NUBPL: variants seen among roughly 807,000 people sequenced by gnomAD.
NUBPL encodes the protein iron-sulfur cluster transfer protein NUBPL.
Under a neutral mutation model 45.7 loss-of-function variants are expected in NUBPL, and 31 were observed. The observed-to-expected ratio is 0.68, with a 90% CI of 0.51 to 0.92. The LOEUF is 0.92. Among genes scored for constraint, NUBPL ranks in the 40% least tolerant of loss-of-function variants. The probability of loss-of-function intolerance (pLI) is 0.00; values close to 1 mark genes in which losing one functional copy is unlikely to be tolerated. For missense variants in NUBPL, 401 were observed against 398.7 expected (o/e 1.01, Z -0.05); for synonymous variants, 144 against 140.9 (o/e 1.02, Z -0.15).
chr14:31,672,349 C>G (rs1351299335), intron 4 of NUBPL, among the ~76,000 whole-genome samples: 1 of 150,942 alleles, frequency 6.6e-6, no homozygotes, highest in Non-Finnish European at 1.5e-5. Context: ...ATTAGATTAG[C>G]ATATATATAA....
chr14:31,630,212 A>G (rs900842208), intron 4 of NUBPL, among the ~76,000 whole-genome samples: 1 of 152,158 alleles, frequency 6.6e-6, no homozygotes, highest in African/African-American at 2.4e-5. Context: ...GACATTAGAG[A>G]TGGAGAGAAT....
At chr14:31,586,347 C>T (rs913572197) in intron 3 of NUBPL, among the ~76,000 whole-genome samples, 20 of 152,034 alleles carry the variant, frequency 1.3e-4, no homozygotes, top group African/African-American at 4.6e-4. Flanking sequence ...TAATTCCAGT[C>T]GTTCAAAGGT....
intron 6 of NUBPL, among the ~76,000 whole-genome samples, chr14:31,694,073 T>C (rs188680945): frequency 1.3e-5 from 2 of 152,164 alleles, no homozygotes; most frequent in Admixed American, 1.3e-4. Context: ...GCCAGGGTGG[T>C]CTTGATCTCC....
intron 2 of NUBPL, among the ~76,000 whole-genome samples, chr14:31,564,432 G>C (rs1272691880): frequency 1.3e-5 from 2 of 150,218 alleles, no homozygotes; most frequent in African/African-American, 4.9e-5. Context: ...GCTCATGCCT[G>C]TAATGCCAGC....
At chr14:31,619,240 T>G (rs1488960702) in intron 4 of NUBPL, among the ~76,000 whole-genome samples, 1 of 152,212 alleles carries the variant, frequency 6.6e-6, no homozygotes, top group Middle Eastern at 3.2e-3. Flanking sequence ...CTTTATCCAA[T>G]TTGTCAGTCT....
chr14:31,858,282 G>A (rs950401222), intron 10 of NUBPL, among the ~76,000 whole-genome samples: 4 of 152,136 alleles, frequency 2.6e-5, no homozygotes, highest in Admixed American at 6.5e-5. Context: ...CAACACATGG[G>A]AACTGTGGGA....
chr14:31,764,668 A>T (rs1479783065), intron 6 of NUBPL, among the ~76,000 whole-genome samples: 2 of 152,222 alleles, frequency 1.3e-5, no homozygotes, highest in Non-Finnish European at 2.9e-5. Context: ...AGATATAATG[A>T]CCAATGTACT....
chr14:31,729,243 C>T (rs2037992342), intron 6 of NUBPL, among the ~76,000 whole-genome samples: 2 of 150,144 alleles, frequency 1.3e-5, no homozygotes, highest in African/African-American at 4.9e-5. Context: ...TGCACCACTG[C>T]ACTCCAGCCT....
At chr14:31,729,212 G>A (rs1285089709) in intron 6 of NUBPL, among the ~76,000 whole-genome samples, 1 of 150,762 alleles carries the variant, frequency 6.6e-6, no homozygotes, top group East Asian at 1.9e-4. Flanking sequence ...CTGGGAGGCA[G>A]AGGTTGCAAT....
At chr14:31,691,751 G>A (rs1322902260) in intron 6 of NUBPL, among the ~76,000 whole-genome samples, 3 of 152,268 alleles carry the variant, frequency 2.0e-5, no homozygotes, top group South Asian at 2.1e-4. Flanking sequence ...ATACCAGGAC[G>A]GGGCAGTCTT....
chr14:31,625,535 G>A (rs558285634), intron 4 of NUBPL, among the ~76,000 whole-genome samples: 1 of 150,952 alleles, frequency 6.6e-6, no homozygotes, highest in Non-Finnish European at 1.5e-5. Context: ...GAGTGCAATG[G>A]CATGATCTCT....
chr14:31,753,106 A>G (rs2038569340), intron 6 of NUBPL, among the ~76,000 whole-genome samples: 1 of 152,238 alleles, frequency 6.6e-6, no homozygotes, highest in Non-Finnish European at 1.5e-5. Flanking sequence ...TCACAGCGTC[A>G]GTGATGTCTG....
intron 6 of NUBPL, among the ~76,000 whole-genome samples, chr14:31,733,527 A>G (rs1449066169): frequency 1.3e-5 from 2 of 152,140 alleles, no homozygotes; most frequent in African/African-American, 4.8e-5. Flanking sequence ...GTAGTATTTT[A>G]TAGGTTAATA....
intron 7 of NUBPL, among the ~76,000 whole-genome samples, chr14:31,814,093 C>G (rs1017810394): frequency 3.3e-5 from 5 of 152,174 alleles, no homozygotes; most frequent in African/African-American, 1.2e-4. Flanking sequence ...GTTCTAGATC[C>G]TTGAGGAATC....
chr14:31,603,015 C>G (rs970492923), intron 4 of NUBPL, among the ~76,000 whole-genome samples: 2 of 151,734 alleles, frequency 1.3e-5, no homozygotes, highest in African/African-American at 4.8e-5. Context: ...ATGTTATTAT[C>G]AAAAAATGAA....
chr14:31,661,982 C>G (rs1037389206), intron 4 of NUBPL: 5 of 152,152 alleles, frequency 3.3e-5, no homozygotes, highest in African/African-American at 1.2e-4. Flanking sequence ...TCTATCTTTT[C>G]TAATATCTTT....
At chr14:31,855,212 A>G (rs1313467619) in intron 10 of NUBPL, among the ~76,000 whole-genome samples, 2 of 152,254 alleles carry the variant, frequency 1.3e-5, no homozygotes, top group Admixed American at 1.3e-4. Context: ...ACTAGGAGAT[A>G]AAAGGTATTT....
intron 3 of NUBPL, among the ~76,000 whole-genome samples, chr14:31,588,759 CA>C (rs202112067): frequency 8.2e-5 from 12 of 147,104 alleles, no homozygotes; most frequent in East Asian, 5.9e-4. Context: ...ACTAAAAATA[CA>C]AAAAAAAAAT....
intron 4 of NUBPL, among the ~76,000 whole-genome samples, chr14:31,623,881 T>TA (rs1156585250): frequency 6.6e-6 from 1 of 152,094 alleles, no homozygotes; most frequent in Non-Finnish European, 1.5e-5. Context: ...GCCAGAAAGG[T>TA]AATTGAGAGT....
Sources: allele counts gnomAD v4.1 joint callset (sites outside exome capture counted in the v4.1 genomes callset), GRCh38; gene constraint gnomAD v4.1.1; transcripts MANE v1.5; gene names NCBI Gene and HGNC (gene_info 2026-07-23, HGNC 2026-07-21).